Variants in DENND1A observed in about 807,000 individuals in gnomAD.
The protein encoded by DENND1A is DENN domain containing 1A.
In DENND1A, 51 loss-of-function variants were observed where a neutral mutation model predicts 113.7. The observed-to-expected ratio is 0.45, with a 90% CI of 0.36 to 0.57. The LOEUF (loss-of-function observed/expected upper bound fraction) is 0.57. Ranked by LOEUF, DENND1A falls within the 20% of genes least tolerant of loss-of-function variation. The pLI is 0.00. For synonymous variants in DENND1A, 565 were observed against 570.8 expected (o/e 0.99, Z 0.14); for missense variants, 1,258 against 1,395.9 (o/e 0.90, Z 1.57).
At chr9:123,454,660 G>A in intron 16 of DENND1A, 79 bp downstream of exon 16, 1 of 1,406,036 alleles carries the variant, frequency 7.1e-7, no homozygotes, top group Non-Finnish European at 9.9e-7. Flanking sequence ...CAGGATGGAA[G>A]GGGAAGCACA....
rs57598171 is a variant in DENND1A, at chr9:123,407,399, C to A, written c.1543-3909G>T. Reference sequence around the variant, plus strand: ...ACACACTATCTCACAAATACACACTCACAGAGGCACGCGCAAGAGGTGAAG... The same window carrying A: ...ACACACTATCTCACAAATACACACTAACAGAGGCACGCGCAAGAGGTGAAG... On this transcript the variant is annotated intron_variant, in intron 20 of 23. Transcript: ENST00000394215. 5.4e-3 allele frequency among the ~76,000 whole-genome samples: 819 copies of A among 152,230 alleles called. 8 individuals carry two copies. The highest frequency in any genetic ancestry group is 0.018 in the African/African-American group (766 of 41,524).
At chr9:123,895,948 C>T (rs1850682647) in intron 1 of DENND1A, among the ~76,000 whole-genome samples, 1 of 152,144 alleles carries the variant, frequency 6.6e-6, no homozygotes, top group Non-Finnish European at 1.5e-5. Context: ...AAACTCAGCA[C>T]TGAGAAAGGG....
At chr9:123,758,760 A>G (rs1345740659) in intron 4 of DENND1A, among the ~76,000 whole-genome samples, 1 of 152,208 alleles carries the variant, frequency 6.6e-6, no homozygotes, top group Non-Finnish European at 1.5e-5. Context: ...TCTATTTTTA[A>G]AAATTTTAAA....
chr9:123,449,262 C>G (rs371443507), intron 18 of DENND1A, among the ~76,000 whole-genome samples: 1 of 152,188 alleles, frequency 6.6e-6, no homozygotes, highest in Admixed American at 6.5e-5. Context: ...ACAGGCCAGA[C>G]GCGGTGGCTC....
chr9:123,406,614 G>C (rs1167110980), intron 20 of DENND1A, among the ~76,000 whole-genome samples: 3 of 152,252 alleles, frequency 2.0e-5, no homozygotes, highest in Non-Finnish European at 2.9e-5. Context: ...GTATCATCGT[G>C]ATTAGAGCTG....
intron 13 of DENND1A, among the ~76,000 whole-genome samples, chr9:123,547,992 T>C (rs2056812053): frequency 6.6e-6 from 1 of 152,230 alleles, no homozygotes; most frequent in Non-Finnish European, 1.5e-5. Context: ...CTAGGCATTA[T>C]TTACATCTTA....
intron 5 of DENND1A, among the ~76,000 whole-genome samples, chr9:123,710,614 A>T (rs966482540): frequency 5.9e-5 from 9 of 151,842 alleles, no homozygotes; most frequent in Admixed American, 5.9e-4. Flanking sequence ...TAATTTTTAA[A>T]TGTTGTTAGG....
At chr9:123,859,249 C>T (rs1844719530) in intron 2 of DENND1A, among the ~76,000 whole-genome samples, 1 of 152,052 alleles carries the variant, frequency 6.6e-6, no homozygotes, top group African/African-American at 2.4e-5. Flanking sequence ...TTCTGATGTC[C>T]TTTTAGTCAT....
chr9:123,384,722 C>T (rs1276893267), intron 22 of DENND1A, among the ~76,000 whole-genome samples: 11 of 152,222 alleles, frequency 7.2e-5, no homozygotes, highest in African/African-American at 2.4e-4. Flanking sequence ...CCGAGGCGGG[C>T]GGATCACTTG....
At chr9:123,480,094 T>C (rs1180836949) in intron 13 of DENND1A, among the ~76,000 whole-genome samples, 4 of 152,208 alleles carry the variant, frequency 2.6e-5, no homozygotes, top group African/African-American at 9.6e-5. Flanking sequence ...CTTCTGCCAA[T>C]GGGCTATTTT....
intron 9 of DENND1A, among the ~76,000 whole-genome samples, chr9:123,648,960 A>G (rs10986081): frequency 0.012 from 1,877 of 152,272 alleles, 26 homozygotes; most frequent in Admixed American, 0.044. Context: ...CCATCAGCCC[A>G]TATGTGTATC....
chr9:123,723,803 A>G (rs149513073), intron 5 of DENND1A, among the ~76,000 whole-genome samples: 8 of 152,258 alleles, frequency 5.3e-5, no homozygotes, highest in African/African-American at 1.9e-4. Flanking sequence ...CAGTATGAAA[A>G]CAGACTAATA....
chr9:123,856,333 C>A (rs537943337), intron 2 of DENND1A, among the ~76,000 whole-genome samples: 1 of 152,218 alleles, frequency 6.6e-6, no homozygotes, highest in African/African-American at 2.4e-5. Context: ...AGCGCCCACA[C>A]TGTCTAGAGT....
intron 2 of DENND1A, among the ~76,000 whole-genome samples, chr9:123,853,112 G>T (rs1444094506): frequency 6.6e-6 from 1 of 151,420 alleles, no homozygotes; most frequent in East Asian, 2.0e-4. Context: ...TAGACACGAG[G>T]TTTCACCATG....
chr9:123,576,660 G>C (rs1267768829), intron 12 of DENND1A, among the ~76,000 whole-genome samples: 1 of 152,046 alleles, frequency 6.6e-6, no homozygotes, highest in African/African-American at 2.4e-5. Flanking sequence ...CATCATGACT[G>C]GCTAATTTTT....
chr9:123,446,833 AAAG>A (rs1236359947), intron 18 of DENND1A, among the ~76,000 whole-genome samples: 6 of 152,330 alleles, frequency 3.9e-5, no homozygotes, highest in African/African-American at 1.2e-4. Context: ...AAAAAAAAGA[AAAG>A]AAGAAGATCA....
At chr9:123,429,200 A>G (rs901276438) in intron 19 of DENND1A, among the ~76,000 whole-genome samples, 4 of 152,204 alleles carry the variant, frequency 2.6e-5, no homozygotes, top group African/African-American at 7.2e-5. Flanking sequence ...ATATAGACCA[A>G]TGGAACAGAA....
intron 8 of DENND1A, among the ~76,000 whole-genome samples, chr9:123,663,064 T>C (rs1271519312): frequency 1.3e-5 from 2 of 152,222 alleles, no homozygotes; most frequent in Admixed American, 6.5e-5. Context: ...AATTGCTGGT[T>C]TTCATCAACA....
At chr9:123,702,634 G>A (rs186386334) in intron 5 of DENND1A, among the ~76,000 whole-genome samples, 1 of 152,268 alleles carries the variant, frequency 6.6e-6, no homozygotes, top group Admixed American at 6.5e-5. Flanking sequence ...AACATTATAA[G>A]CCAGGAAAGA....
Sources: allele counts gnomAD v4.1 joint callset (sites outside exome capture counted in the v4.1 genomes callset), GRCh38; gene constraint gnomAD v4.1.1; transcripts MANE v1.5; gene names NCBI Gene and HGNC (gene_info 2026-07-23, HGNC 2026-07-21).